DMD: variants seen among roughly 807,000 people sequenced by gnomAD.
DMD encodes dystrophin.
A neutral mutation model predicts 330.1 loss-of-function variants in DMD; 63 were observed. That is an observed-to-expected ratio of 0.19 (90% confidence interval 0.16 to 0.24). The LOEUF is 0.24. Among genes scored for constraint, DMD ranks in the 10% least tolerant of loss-of-function variants. The pLI is 1.00. For synonymous variants in DMD, 1,223 were observed against 959.8 expected, an observed-to-expected ratio of 1.27 and a Z score of -5.07; for missense variants, 3,344 against 2,684.1, an observed-to-expected ratio of 1.25 and a Z score of -5.43.
chrX:31,691,235 A>G (rs921173125), intron 52 of DMD, among the ~76,000 whole-genome samples: 26 of 111,686 alleles, frequency 2.3e-4, no homozygotes, highest in African/African-American at 8.1e-4. Flanking sequence ...AAAATGTTTT[A>G]TGTAAGCCTC....
rs539044632 is a variant in DMD, at chrX:33,081,927, T to A, written c.32-61727A>T. Reference sequence around the variant, plus strand: ...TCTTTGATTTTGAGAGGGATCCATCTGTTTTTAATTCCTGGGGTTTCATGT... The same window carrying A: ...TCTTTGATTTTGAGAGGGATCCATCAGTTTTTAATTCCTGGGGTTTCATGT... On this transcript the variant is annotated intron_variant, in intron 1 of 78. Coordinates refer to ENST00000357033, the MANE Select transcript of DMD (RefSeq NM_004006.3). Among the ~76,000 whole-genome samples the A allele has an allele frequency of 2.2e-3, 244 of 110,889 alleles. 3 individuals carry two copies. The highest frequency in any genetic ancestry group is 9.3e-3 in the Middle Eastern group (2 of 216).
chrX:33,204,291 A>C (rs1242459385), intron 1 of DMD, among the ~76,000 whole-genome samples: 2 of 111,868 alleles, frequency 1.8e-5, no homozygotes, highest in Non-Finnish European at 3.8e-5. Flanking sequence ...ATTCAGATGC[A>C]AGCTTGTTCC....
chrX:31,464,593 A>T lies in DMD; in HGVS notation c.8937+13513T>A, dbSNP rs180841834. On this transcript the variant is annotated intron_variant, in intron 59 of 78. Coordinates refer to ENST00000357033, the MANE Select transcript of DMD (RefSeq NM_004006.3). ...TCATTTCCTCCCACCCACTGTTTTA[A>T]ATCGTTTGTTTGGTTCCAATGTATA... Among the ~76,000 whole-genome samples, 693 of 112,421 alleles carry T rather than the reference A, an allele frequency of 6.2e-3. 3 individuals carry two copies. Among genetic ancestry groups the T allele is most frequent in the Non-Finnish European group, 0.01 (554 of 53,261 alleles).
At chrX:32,146,315 T>A (rs2096778117) in intron 44 of DMD, among the ~76,000 whole-genome samples, 1 of 110,953 alleles carries the variant, frequency 9.0e-6, no homozygotes, top group Non-Finnish European at 1.9e-5. Context: ...GATAGATAGA[T>A]AAGTAAAGGA....
At chrX:32,682,678 T>A (rs766268426) in intron 9 of DMD, among the ~76,000 whole-genome samples, 1 of 112,255 alleles carries the variant, frequency 8.9e-6, no homozygotes, top group East Asian at 2.8e-4. Flanking sequence ...TCTGACAACA[T>A]AAATTTAGCA....
intron 29 of DMD, among the ~76,000 whole-genome samples, chrX:32,417,295 C>A (rs10521997): frequency 9.1e-6 from 1 of 110,291 alleles, no homozygotes; most frequent in African/African-American, 3.3e-5. Context: ...TAGAAAGAAT[C>A]GGTCTTCTGA....
chrX:32,878,624 G>T (rs373956322), intron 2 of DMD, among the ~76,000 whole-genome samples: 2 of 111,261 alleles, frequency 1.8e-5, no homozygotes, highest in African/African-American at 6.5e-5. Context: ...ACTGCCAATG[G>T]TTTGATTAGA....
intron 55 of DMD, among the ~76,000 whole-genome samples, chrX:31,546,539 C>T (rs145873761): frequency 2.5e-3 from 282 of 112,574 alleles, no homozygotes; most frequent in Middle Eastern, 0.014. Flanking sequence ...GACCGATGCT[C>T]TCCTCTCCTT....
At chrX:32,637,410 A>T (rs778699448) in intron 11 of DMD, among the ~76,000 whole-genome samples, 1 of 112,095 alleles carries the variant, frequency 8.9e-6, no homozygotes, top group East Asian at 2.8e-4. Context: ...GTCAACTTCT[A>T]TTAAATCTGC....
intron 44 of DMD, among the ~76,000 whole-genome samples, chrX:32,204,532 C>T (rs1252828757): frequency 5.4e-5 from 6 of 111,939 alleles, no homozygotes; most frequent in Non-Finnish European, 1.1e-4. Context: ...ACTTATACTT[C>T]CTTACACTCA....
intron 9 of DMD, among the ~76,000 whole-genome samples, chrX:32,683,236 G>A (rs1024823932): frequency 9.0e-5 from 10 of 110,575 alleles, no homozygotes; most frequent in Non-Finnish European, 1.7e-4. Context: ...AAGGAGTGGC[G>A]ATTCCTCAGG....
At chrX:31,764,051 T>C (rs1285532975) in intron 51 of DMD, among the ~76,000 whole-genome samples, 1 of 110,482 alleles carries the variant, frequency 9.1e-6, no homozygotes, top group Non-Finnish European at 1.9e-5. Flanking sequence ...AACTTTTTAT[T>C]TCATTTTTTT....
intron 57 of DMD, among the ~76,000 whole-genome samples, chrX:31,491,090 A>G (rs2069255047): frequency 8.9e-6 from 1 of 112,404 alleles, no homozygotes; most frequent in Non-Finnish European, 1.9e-5. Context: ...AGGTATCCTT[A>G]ATGATCTCTA....
chrX:32,919,706 T>C (rs2088200838), intron 2 of DMD, among the ~76,000 whole-genome samples: 1 of 112,102 alleles, frequency 8.9e-6, no homozygotes, highest in Non-Finnish European at 1.9e-5. Context: ...TCTACTTTTC[T>C]ATATTTTCTT....
At position 31,366,381 on chromosome X, in the gene DMD, C is replaced by A. The variant is rs765632470; in HGVS notation, c.9085-17747G>T. Among the ~76,000 whole-genome samples the A allele has an allele frequency of 2.2e-4, 21 of 93,758 alleles. No homozygotes were observed. In the South Asian group the frequency reaches 5.8e-3, roughly 26 times the overall value. The allele number at this position is 93,758 out of a possible 115,157, so 81.4% of individuals were successfully genotyped here. ...AGACCCCAGAAAGTGGTTTTGAACC[C>A]TTGTGGATCTCACTGGAAAGGGATT... On this transcript the variant is annotated intron_variant, in intron 60 of 78. Coordinates refer to ENST00000357033, the MANE Select transcript of DMD (RefSeq NM_004006.3).
Position 32,869,486 on chromosome X carries a change from A to G in DMD, c.94-19666T>C, listed in dbSNP as rs888285890. 3.6e-5 allele frequency among the ~76,000 whole-genome samples: 4 copies of G among 110,287 alleles called. No homozygotes were observed. In the East Asian group the frequency reaches 1.2e-3, roughly 32 times the overall value. ...AAGGAGCATGGTCTAACCCAATGCA[A>G]AGAAGTTAAGAGCCATGATAAAACA... On this transcript the variant is annotated intron_variant, in intron 2 of 78. Transcript: ENST00000357033.
rs757149457 is a variant in DMD at position 32,534,484 on chromosome X, T to C, written c.2168+10675A>G. On this transcript the variant is annotated intron_variant, in intron 17 of 78. Coordinates refer to ENST00000357033, the MANE Select transcript of DMD (RefSeq NM_004006.3). ...CCATGTGATGTGACTGTTTCCCCTT[T>C]GCCTTCCATCATGATTGAAAGCTTC... Among the ~76,000 whole-genome samples, 4 of 111,583 alleles carry C rather than the reference T, an allele frequency of 3.6e-5. No homozygotes were observed. The South Asian group carries it at 1.5e-3, about 42-fold the overall frequency.
At chrX:32,099,417 A>T (rs2096528161) in intron 44 of DMD, among the ~76,000 whole-genome samples, 1 of 110,947 alleles carries the variant, frequency 9.0e-6, no homozygotes, top group Admixed American at 9.6e-5. Context: ...ACTATAAATC[A>T]TGCTGCTATA....
At chrX:31,380,575 C>T (rs143203056) in intron 60 of DMD, among the ~76,000 whole-genome samples, 1,130 of 111,136 alleles carry the variant, frequency 0.01, 16 homozygotes, top group African/African-American at 0.035. Context: ...CTATAAACTC[C>T]CCTTACAATT....
Sources: allele counts gnomAD v4.1 joint callset (sites outside exome capture counted in the v4.1 genomes callset), GRCh38; gene constraint gnomAD v4.1.1; transcripts MANE v1.5; gene names NCBI Gene and HGNC (gene_info 2026-07-23, HGNC 2026-07-21).